The following ZUP1 variants were observed in gnomAD, a reference collection of about 807,000 sequenced individuals.
The protein encoded by ZUP1 is zinc finger-containing ubiquitin peptidase 1.
A neutral mutation model predicts 68.1 loss-of-function variants in ZUP1; 55 were observed. That is an observed-to-expected ratio of 0.81 (90% confidence interval 0.65 to 1.01). ZUP1 has a LOEUF of 1.01. ZUP1 is among the 50% of genes least tolerant of loss of function. The pLI, the probability that ZUP1 is intolerant of heterozygous loss-of-function variation, is 0.00. For synonymous variants in ZUP1, 223 were observed against 221.5 expected (o/e 1.01, Z -0.06); for missense variants, 684 against 674.9 (o/e 1.01, Z -0.15).
intron 7 of ZUP1, among the ~76,000 whole-genome samples, chr6:116,649,232 G>C (rs560911823): frequency 2.0e-5 from 3 of 152,058 alleles, no homozygotes; most frequent in Non-Finnish European, 4.4e-5. Flanking sequence ...TAAAAAGAAT[G>C]TGATACACTG....
intron 1 of ZUP1, among the ~76,000 whole-genome samples, chr6:116,668,198 A>C (rs1052272698): frequency 1.3e-5 from 2 of 152,184 alleles, no homozygotes; most frequent in Non-Finnish European, 2.9e-5. Context: ...CTCCAGACAA[A>C]TGGATACAGT....
chr6:116,651,458 A>C (rs1298853004), intron 7 of ZUP1, 114 bp downstream of exon 7: 2 of 868,524 alleles, frequency 2.3e-6, no homozygotes, highest in Non-Finnish European at 3.4e-6. Flanking sequence ...TTGCTACTTA[A>C]TTTAGTGCTA....
At chr6:116,661,751 CT>C (rs1326123480) in intron 2 of ZUP1, among the ~76,000 whole-genome samples, 3 of 147,256 alleles carry the variant, frequency 2.0e-5, no homozygotes, top group Non-Finnish European at 4.4e-5. Context: ...AAAGCAGAGA[CT>C]GTGAACAGCC....
intron 7 of ZUP1, among the ~76,000 whole-genome samples, chr6:116,648,259 A>G (rs901606489): frequency 6.6e-6 from 1 of 152,230 alleles, no homozygotes; most frequent in South Asian, 2.1e-4. Context: ...AACACTGTTT[A>G]TACTACTCAA....
chr6:116,643,035 C>T (rs1776170865), intron 9 of ZUP1, among the ~76,000 whole-genome samples: 1 of 151,692 alleles, frequency 6.6e-6, no homozygotes, highest in Admixed American at 6.6e-5. Context: ...CATTCTTATA[C>T]ACCAATAACA....
At chr6:116,639,804 G>A (rs1776033678) in intron 9 of ZUP1, among the ~76,000 whole-genome samples, 1 of 152,222 alleles carries the variant, frequency 6.6e-6, no homozygotes, top group Admixed American at 6.5e-5. Context: ...AAGGAACGCA[G>A]TTCCTCACCA....
chr6:116,661,855 C>T (rs1454567053), intron 2 of ZUP1, among the ~76,000 whole-genome samples: 1 of 152,166 alleles, frequency 6.6e-6, no homozygotes, highest in Non-Finnish European at 1.5e-5. Context: ...GCTAAACTCA[C>T]TGGGGGCTGC....
At chr6:116,656,935 A>G in intron 4 of ZUP1, 83 bp from the exon 5 acceptor site, 1 of 905,962 alleles carries the variant, frequency 1.1e-6, no homozygotes, top group Non-Finnish European at 1.6e-6. Context: ...TTTTATTTGG[A>G]AACATGTTGA....
chr6:116,667,022 T>C lies in ZUP1; in HGVS notation c.171A>G (p.Thr57=), dbSNP rs1292128934. ...TTATCCTCTCAAAGTTTCTTTCAAG[T>C]GTATTCTGCTCAAAATGAGCTGTTT... ...HIETAHFEQN[T]LERNFERINT... The change falls in exon 2 of 10, where the codon ACA becomes ACG. Residue 57 remains threonine, a synonymous_variant. Transcript: ENST00000368576. 7.4e-6 allele frequency: 12 copies of C among 1,613,634 alleles called. No homozygotes were observed. The highest frequency in any genetic ancestry group is 1.0e-5 in the Non-Finnish European group (12 of 1,179,846).
chr6:116,665,474 TA>T (rs1776970733), intron 2 of ZUP1, among the ~76,000 whole-genome samples: 2 of 150,128 alleles, frequency 1.3e-5, no homozygotes, highest in Non-Finnish European at 3.0e-5. Flanking sequence ...AAGACACTGT[TA>T]AAAGAATAAA....
At chr6:116,655,505 T>C (rs1776635591) in intron 5 of ZUP1, among the ~76,000 whole-genome samples, 1 of 152,162 alleles carries the variant, frequency 6.6e-6, no homozygotes, top group African/African-American at 2.4e-5. Flanking sequence ...TGAATACCTA[T>C]CAAAGGTGTT....
At chr6:116,641,905 G>A (rs898178100) in intron 9 of ZUP1, among the ~76,000 whole-genome samples, 2 of 152,104 alleles carry the variant, frequency 1.3e-5, no homozygotes, top group African/African-American at 4.8e-5. Flanking sequence ...TCAGGAGCCG[G>A]TTTTTTGAAA....
At chr6:116,659,140 G>T (rs1438496015) in intron 3 of ZUP1, among the ~76,000 whole-genome samples, 2 of 152,072 alleles carry the variant, frequency 1.3e-5, no homozygotes, top group African/African-American at 2.4e-5. Context: ...ACTGTTTTTT[G>T]TTTTTTGAGA....
intron 2 of ZUP1, among the ~76,000 whole-genome samples, chr6:116,664,399 C>A (rs1776935114): frequency 6.6e-6 from 1 of 151,060 alleles, no homozygotes; most frequent in Admixed American, 6.6e-5. Flanking sequence ...CCATTACACT[C>A]CAGCCTGGGT....
intron 8 of ZUP1, among the ~76,000 whole-genome samples, chr6:116,647,063 A>G (rs1005821181): frequency 3.3e-5 from 5 of 152,218 alleles, no homozygotes; most frequent in Admixed American, 1.3e-4. Context: ...AGTATTGTAG[A>G]AATATCAATC....
Position 116,643,012 on chromosome 6 carries a change from C to CA in ZUP1, c.1689+2701dup, listed in dbSNP as rs1776169825. On this transcript the variant is annotated intron_variant, in intron 9 of 9. Transcript: ENST00000368576. ...AGTCTCAGGATACAAAATCAACGTA[C>CA]AAAAATCACAAGCATTCTTATACAC... 9.9e-5 allele frequency among the ~76,000 whole-genome samples: 15 copies of CA among 152,164 alleles called. No individual in the cohort carries two copies. The South Asian group carries it at 3.1e-3, about 32-fold the overall frequency.
intron 9 of ZUP1, among the ~76,000 whole-genome samples, chr6:116,641,572 C>A (rs553099695): frequency 0.034 from 5,104 of 152,190 alleles, 253 homozygotes; most frequent in African/African-American, 0.11. Context: ...AACTGAACAA[C>A]CTGCTCCTGA....
chr6:116,643,676 C>G (rs1394885431), intron 9 of ZUP1, among the ~76,000 whole-genome samples: 2 of 152,126 alleles, frequency 1.3e-5, no homozygotes, highest in African/African-American at 4.8e-5. Flanking sequence ...ACACCTTATA[C>G]AAAAATTAAT....
At chr6:116,651,815 G>A (rs921620726) in intron 6 of ZUP1, 78 bp from the exon 7 acceptor site, 12 of 1,530,172 alleles carry the variant, frequency 7.8e-6, no homozygotes, top group African/African-American at 2.8e-5. Context: ...TTATGTACTC[G>A]GGGAACTTTA....
Sources: allele counts gnomAD v4.1 joint callset (sites outside exome capture counted in the v4.1 genomes callset), GRCh38; gene constraint gnomAD v4.1.1; transcripts MANE v1.5; gene names NCBI Gene and HGNC (gene_info 2026-07-23, HGNC 2026-07-21).